Variants in LPCAT2 observed in about 807,000 individuals in gnomAD.
LPCAT2 encodes the protein lysophosphatidylcholine acyltransferase 2.
A neutral mutation model predicts 64.7 loss-of-function variants in LPCAT2; 58 were observed. The observed-to-expected ratio is 0.90, with a 90% CI of 0.73 to 1.12. LPCAT2 has a LOEUF of 1.12. Among genes scored for constraint, LPCAT2 ranks in the 50% most tolerant of loss-of-function variants. The pLI is 0.00. For synonymous variants in LPCAT2, 252 were observed against 245.3 expected (o/e 1.03, Z -0.26); for missense variants, 579 against 669.8 (o/e 0.86, Z 1.50).
In LPCAT2 at chr16:55,550,942, T is replaced by G; in HGVS notation, c.1062-7T>G. On this transcript the variant is annotated splice_region_variant and splice_polypyrimidine_tract_variant and intron_variant, in intron 10 of 13. Transcript: ENST00000262134. ...TAACATGTATCTATAATTCTTTGTT[T>G]GTTTAGATTAGATTGGGATGGTGTT... is the stretch of plus-strand genomic sequence containing the variant. The G allele has an allele frequency of 6.4e-7, 1 of 1,565,428 alleles. No individual in the cohort carries two copies. The highest frequency in any genetic ancestry group is 1.3e-5 in the African/African-American group (1 of 74,102).
In LPCAT2 at chr16:55,525,627, C is replaced by T. The variant is rs1430396727; in HGVS notation, c.291C>T (p.His97=). Residue 97 remains histidine, a synonymous_variant, in exon 2 of 14, where the codon CAC becomes CAT. Coordinates refer to ENST00000262134, the MANE Select transcript of LPCAT2 (RefSeq NM_017839.5). ...TATGCTGTCCTGAAAAGCTGACCCA[C>T]CCAATAACTGGTTGGAGGAGGTAAG... ...STVCCPEKLT[H]PITGWRRKIT... 1 of 1,605,786 alleles carries T rather than the reference C, an allele frequency of 6.2e-7. No homozygotes were observed. Among genetic ancestry groups the T allele is most frequent in the Non-Finnish European group, 8.5e-7 (1 of 1,176,252 alleles).
At chr16:55,567,976 C>A (rs559366729) in intron 11 of LPCAT2, among the ~76,000 whole-genome samples, 28 of 152,056 alleles carry the variant, frequency 1.8e-4, no homozygotes, top group South Asian at 8.3e-4. Flanking sequence ...TAATTTTATA[C>A]CTGGTTTTCC....
chr16:55,559,586 C>T (rs1194817683), intron 11 of LPCAT2, among the ~76,000 whole-genome samples: 1 of 152,028 alleles, frequency 6.6e-6, no homozygotes, highest in Non-Finnish European at 1.5e-5. Context: ...GGACAGGGCA[C>T]TTAGGTGGCT....
At chr16:55,532,681 G>A in intron 5 of LPCAT2, 143 bp from the exon 6 acceptor site, 1 of 521,394 alleles carries the variant, frequency 1.9e-6, no homozygotes, top group Non-Finnish European at 3.4e-6. Context: ...TAAGCACTAG[G>A]GATTTACCAA....
intron 11 of LPCAT2, among the ~76,000 whole-genome samples, chr16:55,567,843 T>G (rs1255065255): frequency 2.0e-5 from 3 of 152,120 alleles, no homozygotes; most frequent in African/African-American, 7.2e-5. Context: ...GGAACTTTAT[T>G]ATTGTTGTTA....
At chr16:55,527,755 A>T (rs1243672317) in intron 2 of LPCAT2, among the ~76,000 whole-genome samples, 1 of 152,198 alleles carries the variant, frequency 6.6e-6, no homozygotes, top group Non-Finnish European at 1.5e-5. Context: ...GCTTAAGTAC[A>T]TCTCTGTTCC....
At chr16:55,551,266 A>G (rs900419849) in intron 11 of LPCAT2, 164 bp downstream of exon 11, 1 of 422,624 alleles carries the variant, frequency 2.4e-6, no homozygotes, top group Non-Finnish European at 4.1e-6. Context: ...TAATAGTAAT[A>G]TTAATAATTG....
chr16:55,551,014 G>A lies in LPCAT2; in HGVS notation c.1127G>A (p.Gly376Glu), dbSNP rs201105560. 1 of 1,613,086 alleles carries A rather than the reference G, an allele frequency of 6.2e-7. No homozygotes were observed. The highest frequency in any genetic ancestry group is 1.1e-5 in the South Asian group (1 of 90,988). ...EYASIASSSKGGRIGIEEFAK... is the reference protein window; with the variant it reads ...EYASIASSSKEGRIGIEEFAK... The stretch of plus-strand genomic sequence containing the variant: ...GCATCTATTGCGAGTTCCTCAAAAG[G>A]AGGAAGAATTGGAATTGAAGAATTC... Residue 376 changes from glycine (G) to glutamate (E), a missense_variant, in exon 11 of 14, where the codon GGA becomes GAA. Gly to Glu is a moderately conservative substitution (Grantham distance 98). Coordinates refer to ENST00000262134, the MANE Select transcript of LPCAT2 (RefSeq NM_017839.5).
At chr16:55,561,498 A>G (rs1170642085) in intron 11 of LPCAT2, among the ~76,000 whole-genome samples, 2 of 151,756 alleles carry the variant, frequency 1.3e-5, no homozygotes, top group Non-Finnish European at 2.9e-5. Flanking sequence ...TGTTAATCTA[A>G]TAATAGTCTT....
At chr16:55,573,717 C>T (rs1206879366) in intron 11 of LPCAT2, among the ~76,000 whole-genome samples, 4 of 152,018 alleles carry the variant, frequency 2.6e-5, no homozygotes, top group Non-Finnish European at 4.4e-5. Context: ...ACCCTCCCTC[C>T]ACCTCTTTAT....
At chr16:55,555,905 C>T (rs1285640012) in intron 11 of LPCAT2, among the ~76,000 whole-genome samples, 1 of 152,208 alleles carries the variant, frequency 6.6e-6, no homozygotes, top group African/African-American at 2.4e-5. Context: ...ACCTGTGCCT[C>T]CCGGGTCCAA....
At chr16:55,545,973 A>C (rs1963449639) in intron 9 of LPCAT2, among the ~76,000 whole-genome samples, 156 bp downstream of exon 9, 2 of 152,168 alleles carry the variant, frequency 1.3e-5, no homozygotes, top group African/African-American at 4.8e-5. Flanking sequence ...TGAGGTCAGT[A>C]TAACAATCTA....
At chr16:55,558,379 A>T (rs1285172867) in intron 11 of LPCAT2, among the ~76,000 whole-genome samples, 1 of 152,262 alleles carries the variant, frequency 6.6e-6, no homozygotes, top group Admixed American at 6.5e-5. Context: ...GCACCACATT[A>T]TTCAGCAGTT....
At position 55,584,301 on chromosome 16, in the gene LPCAT2, T is replaced by C. The variant is rs1376829791; in HGVS notation, c.*1203T>C. ...AAGTGGACTCTCAAATTTTAGAACT[T>C]GTGTGAAATATCTCCCAGAAAACAC... is the stretch of plus-strand genomic sequence containing the variant. On this transcript the variant is annotated 3_prime_UTR_variant, in exon 14 of 14. Transcript: ENST00000262134. 1 of 152,176 alleles carries C rather than the reference T, an allele frequency of 6.6e-6. No homozygotes were observed. The highest frequency in any genetic ancestry group is 1.9e-4 in the East Asian group (1 of 5,194). 9.4% of individuals were successfully genotyped at this position (152,176 alleles called of 1,614,324 possible).
At chr16:55,556,139 C>T (rs1374200502) in intron 11 of LPCAT2, among the ~76,000 whole-genome samples, 5 of 152,034 alleles carry the variant, frequency 3.3e-5, no homozygotes, top group Admixed American at 6.6e-5. Flanking sequence ...GATGTAACTG[C>T]GCAAGTTGGA....
intron 11 of LPCAT2, among the ~76,000 whole-genome samples, chr16:55,552,680 T>C (rs1181473005): frequency 1.3e-5 from 2 of 152,206 alleles, no homozygotes; most frequent in African/African-American, 2.4e-5. Context: ...TACAGTAGTC[T>C]AGTGAGTATG....
intron 11 of LPCAT2, among the ~76,000 whole-genome samples, chr16:55,569,822 C>T (rs1963749348): frequency 6.6e-6 from 1 of 152,136 alleles, no homozygotes; most frequent in Non-Finnish European, 1.5e-5. Flanking sequence ...TTGTGTAGAA[C>T]CAATAGCCTA....
chr16:55,546,639 A>G (rs1478686022), intron 9 of LPCAT2, among the ~76,000 whole-genome samples: 1 of 152,214 alleles, frequency 6.6e-6, no homozygotes, highest in Non-Finnish European at 1.5e-5. Flanking sequence ...GTTTTATTCT[A>G]ATATATGTAT....
chr16:55,522,392 T>C (rs1414923130), intron 1 of LPCAT2, among the ~76,000 whole-genome samples: 4 of 151,752 alleles, frequency 2.6e-5, no homozygotes, highest in Non-Finnish European at 4.4e-5. Flanking sequence ...ATTATTAGGA[T>C]GACAATTTCC....
Sources: allele counts gnomAD v4.1 joint callset (sites outside exome capture counted in the v4.1 genomes callset), GRCh38; gene constraint gnomAD v4.1.1; transcripts MANE v1.5; gene names NCBI Gene and HGNC (gene_info 2026-07-23, HGNC 2026-07-21).